The following RAPGEF5 variants were observed in gnomAD, a reference collection of about 807,000 sequenced individuals.
RAPGEF5 encodes the protein M-Ras-regulated GEF.
RAPGEF5 carries 65 observed loss-of-function variants against 125.2 expected under a neutral mutation model. The ratio of observed to expected loss-of-function variants is 0.52; its 90% CI spans 0.43 to 0.64. The LOEUF is 0.64. RAPGEF5 is among the 30% of genes least tolerant of loss of function. RAPGEF5 has a pLI of 0.00. For synonymous variants in RAPGEF5, 391 were observed against 385.9 expected, an observed-to-expected ratio of 1.01 and a Z score of -0.16; for missense variants, 958 against 1,048.1, an observed-to-expected ratio of 0.91 and a Z score of 1.19.
At chr7:22,147,970 T>C (rs1011410070) in intron 18 of RAPGEF5, among the ~76,000 whole-genome samples, 3 of 152,248 alleles carry the variant, frequency 2.0e-5, no homozygotes, top group Non-Finnish European at 2.9e-5. Flanking sequence ...TTTCCTATTT[T>C]TTTTAAAAAA....
chr7:22,261,895 T>C (rs1482758053), intron 7 of RAPGEF5, among the ~76,000 whole-genome samples: 1 of 151,308 alleles, frequency 6.6e-6, no homozygotes, highest in African/African-American at 2.4e-5. Flanking sequence ...ATACCTTATA[T>C]CAAAACTAAC....
At chr7:22,278,188 A>C (rs1372887907) in intron 6 of RAPGEF5, among the ~76,000 whole-genome samples, 3 of 152,166 alleles carry the variant, frequency 2.0e-5, no homozygotes, top group African/African-American at 7.2e-5. Flanking sequence ...ATCTCAAATT[A>C]ACTCATTTAT....
intron 6 of RAPGEF5, among the ~76,000 whole-genome samples, chr7:22,270,664 T>C (rs1249303343): frequency 6.6e-6 from 1 of 152,220 alleles, no homozygotes; most frequent in African/African-American, 2.4e-5. Flanking sequence ...TAGCTTGGCT[T>C]TTCCTGTCAT....
intron 6 of RAPGEF5, among the ~76,000 whole-genome samples, chr7:22,285,398 C>G (rs1265554132): frequency 1.3e-5 from 2 of 152,170 alleles, no homozygotes; most frequent in African/African-American, 4.8e-5. Flanking sequence ...CACACAATCT[C>G]TTAAACAAGT....
At chr7:22,256,833 C>A (rs1786773658) in intron 7 of RAPGEF5, among the ~76,000 whole-genome samples, 1 of 152,200 alleles carries the variant, frequency 6.6e-6, no homozygotes, top group Admixed American at 6.5e-5. Flanking sequence ...GAAAGAAGTG[C>A]AAGGATATCT....
intron 11 of RAPGEF5, among the ~76,000 whole-genome samples, chr7:22,177,304 T>A (rs1156531477): frequency 6.6e-6 from 1 of 152,236 alleles, no homozygotes; most frequent in Non-Finnish European, 1.5e-5. Context: ...ACCCAGCATA[T>A]GTCATTGGCC....
Position 22,127,336 on chromosome 7 carries a change from G to A in RAPGEF5, c.2482-1678C>T, listed in dbSNP as rs567740589. 2.6e-5 allele frequency among the ~76,000 whole-genome samples: 4 copies of A among 152,182 alleles called. No homozygotes were observed. The East Asian group carries it at 7.7e-4, about 29-fold the overall frequency. ...TTACAGGCATCAGCCACCCCACCTG[G>A]CCGGCAAAAGTCTTCTTAAATGTAC... On this transcript the variant is annotated intron_variant, in intron 24 of 25. Coordinates refer to ENST00000665637, the MANE Select transcript of RAPGEF5 (RefSeq NM_012294.5).
intron 7 of RAPGEF5, among the ~76,000 whole-genome samples, chr7:22,255,879 T>C (rs1786746751): frequency 6.6e-6 from 1 of 152,206 alleles, no homozygotes; most frequent in Non-Finnish European, 1.5e-5. Flanking sequence ...AAATTACTAA[T>C]CAAGAGTGGG....
At chr7:22,331,483 C>T (rs569345679) in intron 1 of RAPGEF5, among the ~76,000 whole-genome samples, 109 of 152,246 alleles carry the variant, frequency 7.2e-4, no homozygotes, top group Admixed American at 2.6e-3. Context: ...CGGTGGCTCA[C>T]GCCTGTAATC....
At chr7:22,306,148 T>C (rs946919482) in intron 5 of RAPGEF5, among the ~76,000 whole-genome samples, 1 of 152,270 alleles carries the variant, frequency 6.6e-6, no homozygotes, top group Admixed American at 6.5e-5. Context: ...ATGGTTGTAC[T>C]AATTTACATT....
intron 6 of RAPGEF5, among the ~76,000 whole-genome samples, chr7:22,273,408 C>T (rs1380115437): frequency 1.3e-5 from 2 of 150,616 alleles, no homozygotes; most frequent in African/African-American, 2.4e-5. Flanking sequence ...TTAGTAGAGA[C>T]GGGGTTTCAC....
chr7:22,211,020 C>T (rs185383357), intron 9 of RAPGEF5, among the ~76,000 whole-genome samples: 34 of 152,188 alleles, frequency 2.2e-4, no homozygotes, highest in Admixed American at 1.4e-3. Flanking sequence ...AAGTAAAATA[C>T]GCATATTTAG....
chr7:22,334,917 A>G (rs1206009799), intron 1 of RAPGEF5, among the ~76,000 whole-genome samples: 2 of 152,180 alleles, frequency 1.3e-5, no homozygotes, highest in Admixed American at 1.3e-4. Context: ...CAGCCGTCCA[A>G]TAATTCTGCA....
intron 9 of RAPGEF5, among the ~76,000 whole-genome samples, chr7:22,204,835 G>A (rs967795428): frequency 2.0e-5 from 3 of 152,160 alleles, no homozygotes; most frequent in South Asian, 2.1e-4. Context: ...ATGAAATATT[G>A]CTAAAATGAT....
intron 1 of RAPGEF5, among the ~76,000 whole-genome samples, chr7:22,328,297 T>C (rs1027451926): frequency 6.6e-6 from 1 of 152,342 alleles, no homozygotes; most frequent in East Asian, 1.9e-4. Context: ...CTTTTGGACA[T>C]GGGCTATTTC....
In RAPGEF5 at chr7:22,303,630, C is replaced by T. The variant is rs139944222; in HGVS notation, c.680+4709G>A. 3.0e-3 allele frequency among the ~76,000 whole-genome samples: 456 copies of T among 152,142 alleles called. 1 individual carries two copies. Among genetic ancestry groups the T allele is most frequent in the African/African-American group, 0.011 (443 of 41,478 alleles). Reference sequence around the variant, plus strand: ...CAGGTAGGTATCAGTAGCCTTTAAACGTCAAAAAGGTTATTAAAAGGAACA... The same window carrying T: ...CAGGTAGGTATCAGTAGCCTTTAAATGTCAAAAAGGTTATTAAAAGGAACA... On this transcript the variant is annotated intron_variant, in intron 5 of 25. Coordinates refer to ENST00000665637, the MANE Select transcript of RAPGEF5 (RefSeq NM_012294.5).
Position 22,357,149 on chromosome 7 carries a change from G to T in RAPGEF5, c.-89C>A. 1.5e-6 allele frequency: 1 copy of T among 677,992 alleles called. No homozygotes were observed. The highest frequency in any genetic ancestry group is 1.8e-6 in the Non-Finnish European group (1 of 545,914). The allele number at this position is 677,992 out of a possible 1,614,324, so 42.0% of individuals were successfully genotyped here. On this transcript the variant is annotated 5_prime_UTR_variant, in exon 1 of 26. Coordinates refer to ENST00000665637, the MANE Select transcript of RAPGEF5 (RefSeq NM_012294.5). ...CGCCTTCGCCAGGAAGCGAGAGGGC[G>T]CGACTGCGGCTCGGGCGCGGGGCGC...
intron 6 of RAPGEF5, among the ~76,000 whole-genome samples, chr7:22,289,096 T>C (rs1782869763): frequency 1.3e-5 from 2 of 152,228 alleles, no homozygotes; most frequent in Admixed American, 1.3e-4. Context: ...GTCCAGTGTC[T>C]GCAGTGAAGC....
chr7:22,302,617 G>C (rs1783235873), intron 5 of RAPGEF5, among the ~76,000 whole-genome samples: 1 of 152,148 alleles, frequency 6.6e-6, no homozygotes. Context: ...AAGGCGCCCA[G>C]ACCACTCGCC....
Sources: gnomAD v4.1 joint callset for allele counts (sites outside exome capture counted in the v4.1 genomes callset) on GRCh38, gnomAD v4.1.1 for gene constraint, MANE v1.5 for transcripts, NCBI Gene and HGNC (gene_info 2026-07-23, HGNC 2026-07-21) for gene names.